The following RXFP2 variants were observed in gnomAD, a reference collection of about 807,000 sequenced individuals.
RXFP2 encodes relaxin family peptide receptor 2.
RXFP2 carries 68 observed loss-of-function variants against 88.6 expected under a neutral mutation model. That is an observed-to-expected ratio of 0.77 (90% CI 0.63 to 0.94). The LOEUF (loss-of-function observed/expected upper bound fraction) is 0.94, where lower values mean the gene tolerates loss of function less well. RXFP2 is among the 40% of genes least tolerant of loss of function. The pLI is 0.00. For missense variants in RXFP2, 791 were observed against 893.9 expected (o/e 0.88, Z 1.47); for synonymous variants, 329 against 306.8 (o/e 1.07, Z -0.76).
At chr13:31,787,699 G>A (rs959087906) in intron 13 of RXFP2, among the ~76,000 whole-genome samples, 1 of 152,014 alleles carries the variant, frequency 6.6e-6, no homozygotes, top group Non-Finnish European at 1.5e-5. Flanking sequence ...GAGTGCAATG[G>A]CACAAGCTTG....
intron 16 of RXFP2, among the ~76,000 whole-genome samples, chr13:31,794,282 G>C (rs11616527): frequency 0.32 from 48,312 of 151,638 alleles, 8,790 homozygotes; most frequent in Admixed American, 0.43. Context: ...GAGTATTACA[G>C]GCTGTTCTTT....
In RXFP2 at chr13:31,775,442, T is replaced by C. The variant is rs573709051; in HGVS notation, c.641+53T>C. ...ATAGAGGATCATAGTCTTGATGATA[T>C]ATAACAGTGCTAATGTAGTTTCCAC... On this transcript the variant is annotated intron_variant, in intron 7 of 17. Coordinates refer to ENST00000298386, the MANE Select transcript of RXFP2 (RefSeq NM_130806.5). 83 of 1,249,676 alleles carry C rather than the reference T, an allele frequency of 6.6e-5. 2 individuals carry two copies. In the South Asian group the frequency reaches 9.4e-4, roughly 14 times the overall value. The allele number at this position is 1,249,676 out of a possible 1,614,324, so 77.4% of individuals were successfully genotyped here.
Position 31,789,121 on chromosome 13 carries a change from G to A in RXFP2, c.1074-1G>A. The A allele has an allele frequency of 1.3e-6, 2 of 1,597,788 alleles. No individual in the cohort carries two copies. Among genetic ancestry groups the A allele is most frequent in the Non-Finnish European group, 1.7e-6 (2 of 1,166,552 alleles). ...TTAAACCTATCGTGTGTATTTTCCA[G>A]AGACCTGGAAAGGATAGAGATTCCA... On this transcript the variant is annotated splice_acceptor_variant, in intron 13 of 17. Coordinates refer to ENST00000298386, the MANE Select transcript of RXFP2 (RefSeq NM_130806.5). LOFTEE classifies it high-confidence loss of function.
chr13:31,750,705 C>G (rs999948447), intron 1 of RXFP2, among the ~76,000 whole-genome samples: 11 of 152,112 alleles, frequency 7.2e-5, no homozygotes, highest in Admixed American at 3.9e-4. Context: ...GAAAACCAAG[C>G]AAGATGAGGA....
At chr13:31,797,608 T>C (rs1197754873) in intron 17 of RXFP2, among the ~76,000 whole-genome samples, 189 bp downstream of exon 17, 1 of 152,124 alleles carries the variant, frequency 6.6e-6, no homozygotes, top group Non-Finnish European at 1.5e-5. Context: ...CCAGGAATAA[T>C]AAAAAGCAGG....
intron 1 of RXFP2, among the ~76,000 whole-genome samples, chr13:31,757,633 C>A (rs958261985): frequency 6.6e-6 from 1 of 152,188 alleles, no homozygotes; most frequent in Non-Finnish European, 1.5e-5. Context: ...CTTATTAGCT[C>A]ATGGTTTTAC....
intron 12 of RXFP2, 35 bp downstream of exon 12, chr13:31,786,489 G>A (rs1372000406): frequency 5.1e-6 from 8 of 1,557,976 alleles, no homozygotes; most frequent in Non-Finnish European, 7.1e-6. Context: ...CAGATTTAAA[G>A]GGCAATATTT....
intron 16 of RXFP2, 129 bp from the exon 17 acceptor site, chr13:31,797,072 T>C (rs1874083177): frequency 1.4e-6 from 1 of 733,338 alleles, no homozygotes; most frequent in African/African-American, 1.8e-5. Flanking sequence ...TGTGTAAATA[T>C]TCCGAAATCC....
At chr13:31,780,697 C>T (rs370382991) in intron 9 of RXFP2, among the ~76,000 whole-genome samples, 1 of 152,148 alleles carries the variant, frequency 6.6e-6, no homozygotes, top group Non-Finnish European at 1.5e-5. Context: ...CTTAGTCCCC[C>T]GCATTGCTCA....
At chr13:31,759,706 A>G (rs1050911101) in intron 2 of RXFP2, among the ~76,000 whole-genome samples, 5 of 152,148 alleles carry the variant, frequency 3.3e-5, no homozygotes, top group African/African-American at 7.2e-5. Context: ...TGACATGTCT[A>G]GTTAATCCAA....
intron 5 of RXFP2, among the ~76,000 whole-genome samples, chr13:31,774,294 A>G (rs1306681191): frequency 6.6e-6 from 1 of 152,238 alleles, no homozygotes; most frequent in Non-Finnish European, 1.5e-5. Flanking sequence ...CTAGTCTCAC[A>G]TGGCCAGAAA....
At chr13:31,793,442 T>C (rs1405231327) in intron 16 of RXFP2, among the ~76,000 whole-genome samples, 3 of 151,934 alleles carry the variant, frequency 2.0e-5, no homozygotes, top group Non-Finnish European at 2.9e-5. Flanking sequence ...TTTTTTTTTT[T>C]TTTACAATCT....
Position 31,786,435 on chromosome 13 carries a change from T to G in RXFP2, c.982T>G (p.Leu328Val). The change falls in exon 12 of 18, where the codon TTG (leucine) becomes GTG (valine). Residue 328 changes from leucine to valine, a missense_variant. Transcript: ENST00000298386. ...TELSPHLFKD[L>V]KLLQKLNLSS... ...ACTATCACCTCACCTTTTTAAAGAC[T>G]TGAAGCTTCTACAAAAGCTGTAAGT... 1 of 1,607,550 alleles carries G rather than the reference T, an allele frequency of 6.2e-7. No homozygotes were observed. Among genetic ancestry groups the G allele is most frequent in the Non-Finnish European group, 8.5e-7 (1 of 1,174,048 alleles).
rs2138434000 is a variant in RXFP2, at chr13:31,777,394, A to T, written c.660A>T (p.Pro220=). 6.2e-7 allele frequency: 1 copy of T among 1,611,442 alleles called. No homozygotes were observed. The highest frequency in any genetic ancestry group is 2.2e-5 in the East Asian group (1 of 44,864). ...QLTWLILDDN[P]ITRISQRLFT... is the part of the protein sequence containing the mutation. ...TTGTCAGAATTCTAGATGACAATCC[A>T]ATAACCAGAATTTCACAGCGCTTGT... The change falls in exon 8 of 18, where the codon CCA becomes CCT. Residue 220 remains proline (P), a synonymous_variant. Transcript: ENST00000298386.
At chr13:31,751,309 T>TTATA (rs112982983) in intron 1 of RXFP2, among the ~76,000 whole-genome samples, 11 of 151,358 alleles carry the variant, frequency 7.3e-5, no homozygotes, top group African/African-American at 2.7e-4. Context: ...TACATATATA[T>TTATA]TATATATATA....
At chr13:31,801,786 A>T (rs923425989) in intron 17 of RXFP2, among the ~76,000 whole-genome samples, 1 of 152,294 alleles carries the variant, frequency 6.6e-6, no homozygotes, top group Admixed American at 6.5e-5. Flanking sequence ...AGTTTTGTGA[A>T]CCTCACTCTA....
At chr13:31,749,815 C>T (rs1871585014) in intron 1 of RXFP2, among the ~76,000 whole-genome samples, 1 of 152,070 alleles carries the variant, frequency 6.6e-6, no homozygotes, top group Non-Finnish European at 1.5e-5. Context: ...TGAATAATCA[C>T]AGTTTTATGT....
chr13:31,764,284 C>CACAT (rs1555282326), intron 3 of RXFP2, among the ~76,000 whole-genome samples: 2,184 of 150,394 alleles, frequency 0.015, 37 homozygotes, highest in African/African-American at 0.037. Flanking sequence ...CACACACACA[C>CACAT]ACACAGTGAC....
chr13:31,782,939 G>A (rs910568869), intron 11 of RXFP2, among the ~76,000 whole-genome samples, 192 bp downstream of exon 11: 4 of 152,114 alleles, frequency 2.6e-5, no homozygotes, highest in African/African-American at 9.7e-5. Flanking sequence ...GGCTAAATAT[G>A]GATTTAACCT....
Sources: allele counts gnomAD v4.1 joint callset (sites outside exome capture counted in the v4.1 genomes callset), GRCh38; gene constraint gnomAD v4.1.1; transcripts MANE v1.5; gene names NCBI Gene and HGNC (gene_info 2026-07-23, HGNC 2026-07-21).